Variants in CBLN2 observed in about 807,000 individuals in gnomAD.
CBLN2 encodes cerebellin 2 precursor, also known as cerebellin-2.
In CBLN2, 7 loss-of-function variants were observed where a neutral mutation model predicts 15.0. The observed-to-expected ratio is 0.47, with a 90% confidence interval of 0.27 to 0.88. The LOEUF (loss-of-function observed/expected upper bound fraction) is 0.88. Among genes scored for constraint, CBLN2 ranks in the 40% least tolerant of loss-of-function variants. CBLN2 has a pLI of 0.14. For missense variants in CBLN2, 242 were observed against 304.5 expected, an observed-to-expected ratio of 0.79 and a Z score of 1.53; for synonymous variants, 149 against 135.2, an observed-to-expected ratio of 1.10 and a Z score of -0.71.
intron 1 of CBLN2, among the ~76,000 whole-genome samples, chr18:72,617,387 A>G (rs1372486600): frequency 1.3e-5 from 2 of 152,186 alleles, no homozygotes; most frequent in African/African-American, 4.8e-5. Context: ...TGTGTATGCT[A>G]TATAAGCAAA....
rs57624655 is a variant in CBLN2, at chr18:72,564,307, T to G, written c.16-25535A>C. ...GCACATAGACAGTTCAATGAAATCA[T>G]GGAAATAACTTATTATTTCAATGAA... On this transcript the variant is annotated intron_variant, in intron 1 of 2. Coordinates refer to the CBLN2 transcript ENST00000581073. Among the ~76,000 whole-genome samples, 7,020 of 152,180 alleles carry G rather than the reference T, an allele frequency of 0.046. 802 individuals carry two copies. In the East Asian group the frequency reaches 0.51, roughly 11 times the overall value.
chr18:72,599,521 A>G (rs955344509), intron 1 of CBLN2, among the ~76,000 whole-genome samples: 2 of 152,230 alleles, frequency 1.3e-5, no homozygotes, highest in Admixed American at 6.5e-5. Context: ...TTCCATTTAT[A>G]GAACTAATTT....
intron 1 of CBLN2, among the ~76,000 whole-genome samples, chr18:72,614,188 C>A (rs1240559931): frequency 1.3e-5 from 2 of 152,096 alleles, no homozygotes; most frequent in African/African-American, 4.8e-5. Context: ...GGGAGAGGAG[C>A]AACAACTTTA....
At chr18:72,550,852 A>G (rs1265182637) in intron 1 of CBLN2, among the ~76,000 whole-genome samples, 2 of 152,170 alleles carry the variant, frequency 1.3e-5, no homozygotes, top group African/African-American at 4.8e-5. Flanking sequence ...GACTAATACT[A>G]ACCTATTCCA....
intron 1 of CBLN2, among the ~76,000 whole-genome samples, chr18:72,592,547 T>C (rs902901401): frequency 3.0e-4 from 45 of 152,292 alleles, no homozygotes; most frequent in Admixed American, 7.8e-4. Context: ...TTGTGGGGTA[T>C]TACTCAAGAA....
At chr18:72,582,053 G>A (rs775092920) in intron 1 of CBLN2, among the ~76,000 whole-genome samples, 1 of 152,116 alleles carries the variant, frequency 6.6e-6, no homozygotes, top group Non-Finnish European at 1.5e-5. Context: ...TAAATCAAGT[G>A]TCCAAATCTC....
chr18:72,574,177 G>C (rs937710050), intron 1 of CBLN2, among the ~76,000 whole-genome samples: 10 of 151,918 alleles, frequency 6.6e-5, no homozygotes, highest in African/African-American at 2.4e-4. Flanking sequence ...TTATATTTTT[G>C]ATAATGGCTA....
upstream of CBLN2, among the ~76,000 whole-genome samples, chr18:72,545,230 T>C (rs754689546): frequency 2.0e-5 from 3 of 152,168 alleles, no homozygotes; most frequent in Non-Finnish European, 4.4e-5. Flanking sequence ...GCACTGGAGA[T>C]GAAATTCACG....
chr18:72,607,194 G>A (rs1442202081), intron 1 of CBLN2, among the ~76,000 whole-genome samples: 1 of 152,134 alleles, frequency 6.6e-6, no homozygotes, highest in Non-Finnish European at 1.5e-5. Context: ...CCCTCAGAAG[G>A]AACCAACACT....
intron 1 of CBLN2, among the ~76,000 whole-genome samples, chr18:72,630,350 A>G (rs1472138556): frequency 6.6e-6 from 1 of 152,154 alleles, no homozygotes; most frequent in Non-Finnish European, 1.5e-5. Context: ...GTCTTTTGAT[A>G]TGTCACTTGT....
chr18:72,580,855 ACT>A (rs1486256614), intron 1 of CBLN2, among the ~76,000 whole-genome samples: 2 of 151,994 alleles, frequency 1.3e-5, no homozygotes, highest in Admixed American at 1.3e-4. Context: ...GTATTGACAG[ACT>A]CTCTTCTTAA....
chr18:72,618,222 C>T (rs8093502), intron 1 of CBLN2: 31,734 of 227,010 alleles, frequency 0.14, 2,963 homozygotes, highest in Admixed American at 0.28. Context: ...TGCCCATGGA[C>T]GCTGCCAAGG....
intron 1 of CBLN2, chr18:72,552,560 G>A (rs907571662): frequency 1.3e-5 from 2 of 152,024 alleles, no homozygotes; most frequent in Admixed American, 1.3e-4. Flanking sequence ...AAAAATAAAA[G>A]TGGAACTCAC....
At position 72,543,354 on chromosome 18, in the gene CBLN2, C is replaced by T. The variant is rs1180158365; in HGVS notation, c.-167+132G>A. 5.1e-6 allele frequency: 2 copies of T among 393,282 alleles called. No individual in the cohort carries two copies. Among genetic ancestry groups the T allele is most frequent in the African/African-American group, 2.1e-5 (1 of 48,372 alleles). The allele number at this position is 393,282 out of a possible 1,614,324, so 24.4% of individuals were successfully genotyped here. A position where few individuals can be genotyped will look rare whatever the true frequency, so the allele number is the denominator to read the frequency against. On this transcript the variant is annotated intron_variant, in intron 2 of 4. Coordinates refer to ENST00000269503, the MANE Select transcript of CBLN2 (RefSeq NM_182511.4). This position sits in a 1 kb window ranked among gnomAD's most constrained non-coding sequence, Gnocchi z 6.8. The stretch of plus-strand genomic sequence containing the variant: ...TTGATAAATATCCGCTGTCCGCAGC[C>T]CCGATCCTACATGATTTCCCTTCTC...
intron 1 of CBLN2, among the ~76,000 whole-genome samples, chr18:72,591,945 T>C (rs994674167): frequency 6.6e-6 from 1 of 152,202 alleles, no homozygotes; most frequent in Admixed American, 6.5e-5. Context: ...TTGTGAATAG[T>C]GCTGCAATAA....
In CBLN2 at chr18:72,540,903, T is replaced by G. The variant is rs77324479; in HGVS notation, c.357+901A>C. ...CGTGGGAAACACTTTGGTAAAATGA[T>G]TAGGTAATTAGCTAATTAGCTAAAG... On this transcript the variant is annotated intron_variant, in intron 3 of 4. Coordinates refer to ENST00000269503, the MANE Select transcript of CBLN2 (RefSeq NM_182511.4). 9.9e-3 allele frequency among the ~76,000 whole-genome samples: 1,503 copies of G among 152,324 alleles called. 21 individuals are homozygous for G. The highest frequency in any genetic ancestry group is 0.034 in the African/African-American group (1,415 of 41,568).
At chr18:72,549,010 T>C (rs2069175860), upstream of CBLN2, among the ~76,000 whole-genome samples, 1 of 152,060 alleles carries the variant, frequency 6.6e-6, no homozygotes, top group South Asian at 2.1e-4. Flanking sequence ...TATTTATTTA[T>C]TTATTTATTT....
chr18:72,549,163 C>A (rs1480893429), upstream of CBLN2, among the ~76,000 whole-genome samples: 1 of 152,138 alleles, frequency 6.6e-6, no homozygotes, highest in Non-Finnish European at 1.5e-5. Flanking sequence ...AGGTGTGCAC[C>A]ACCATGCTTG....
At chr18:72,614,480 A>T (rs1478216368) in intron 1 of CBLN2, among the ~76,000 whole-genome samples, 6 of 152,120 alleles carry the variant, frequency 3.9e-5, no homozygotes, top group Non-Finnish European at 8.8e-5. Context: ...TTTGGTGTAC[A>T]TTAGGACTTC....
Sources: gnomAD v4.1 joint callset for allele counts (sites outside exome capture counted in the v4.1 genomes callset) on GRCh38, gnomAD v4.1.1 for gene constraint, Gnocchi (gnomAD v3.1) non-coding constraint, MANE v1.5 for transcripts, NCBI Gene and HGNC (gene_info 2026-07-23, HGNC 2026-07-21) for gene names.